Variants in MGAM observed in about 807,000 individuals in gnomAD.
MGAM encodes maltase-glucoamylase.
MGAM carries 253 observed loss-of-function variants against 358.8 expected under a neutral mutation model. The ratio of observed to expected loss-of-function variants is 0.71; its 90% CI spans 0.64 to 0.78. MGAM has a LOEUF of 0.78. Ranked by LOEUF, MGAM falls within the 30% of genes least tolerant of loss-of-function variation. The pLI, the probability that MGAM is intolerant of heterozygous loss-of-function variation, is 0.00. For synonymous variants in MGAM, 1,105 were observed against 1,227.1 expected (o/e 0.90, Z 2.08); for missense variants, 3,080 against 3,432.6 (o/e 0.90, Z 2.57).
chr7:141,991,280 A>C (rs1362677241), upstream of MGAM, among the ~76,000 whole-genome samples: 3 of 152,226 alleles, frequency 2.0e-5, no homozygotes, highest in Non-Finnish European at 4.4e-5. Context: ...TAGTACACAC[A>C]TAATGACTGT....
intron 42 of MGAM, among the ~76,000 whole-genome samples, chr7:142,067,957 TATATATAAATATATATA>T (rs1812943405): frequency 2.8e-5 from 1 of 35,512 alleles, no homozygotes; most frequent in African/African-American, 7.8e-5. Context: ...TATATATATA[TATATATAAATATATATA>T]TATATATATA....
Position 142,058,261 on chromosome 7 carries a change from A to G in MGAM, c.3752A>G (p.Tyr1251Cys), listed in dbSNP as rs779857945. Residue 1251 changes from tyrosine (Y) to cysteine (C), a missense_variant, in exon 31 of 71, where the codon TAT becomes TGT. Around this residue, in one of 5 missense-constraint regions of MGAM, gnomAD observed 1,816 missense variants for 1,840.5 expected, o/e 0.99. Coordinates refer to ENST00000475668, the MANE Select transcript of MGAM (RefSeq NM_001365693.1). The stretch of plus-strand genomic sequence containing the variant: ...TCTTTGGGGTTCCAGCTGTGTCGCT[A>G]TGGCTACCAGAATGACTCTGAGATC... ...YWSLGFQLCR[Y>C]GYQNDSEIAS... 26 of 1,613,714 alleles carry G rather than the reference A, an allele frequency of 1.6e-5. No individual in the cohort carries two copies. The highest frequency in any genetic ancestry group is 2.2e-5 in the Non-Finnish European group (26 of 1,179,842).
At chr7:142,008,824 C>A in intron 3 of MGAM, 119 bp downstream of exon 3, 1 of 1,111,558 alleles carries the variant, frequency 9.0e-7, no homozygotes, top group Non-Finnish European at 1.3e-6. Flanking sequence ...GTTTATGTTG[C>A]AGCCATTAGT....
intron 16 of MGAM, among the ~76,000 whole-genome samples, 198 bp downstream of exon 16, chr7:142,035,039 C>T (rs186803108): frequency 8.3e-4 from 127 of 152,296 alleles, no homozygotes; most frequent in East Asian, 7.7e-4. Context: ...GAAGACAGAA[C>T]GTGCAACTTT....
At chr7:142,070,405 C>G (rs1392677321) in intron 43 of MGAM, among the ~76,000 whole-genome samples, 1 of 145,880 alleles carries the variant, frequency 6.9e-6, no homozygotes, top group African/African-American at 2.4e-5. Context: ...TAGTGGAACA[C>G]AGCCATGCAT....
At chr7:141,989,035 CTG>C (rs1395810893) in intron 2 of MGAM, among the ~76,000 whole-genome samples, 1 of 151,548 alleles carries the variant, frequency 6.6e-6, no homozygotes, top group Non-Finnish European at 1.5e-5. Context: ...GCTATGAAGA[CTG>C]TGAGAAATCA....
At chr7:142,065,897 A>G (rs1812689675) in intron 40 of MGAM, 66 bp downstream of exon 40, 2 of 1,248,184 alleles carry the variant, frequency 1.6e-6, no homozygotes, top group Admixed American at 2.1e-5. Flanking sequence ...TTTCTGTGCT[A>G]AAAGTAATGC....
chr7:142,096,970 C>G (rs7777521), intron 65 of MGAM, among the ~76,000 whole-genome samples: 35,464 of 149,938 alleles, frequency 0.24, 5,506 homozygotes, highest in African/African-American at 0.44. Context: ...ACTCTGTCAT[C>G]CAGGCTGGAG....
chr7:142,050,257 T>C lies in MGAM; in HGVS notation c.2610T>C (p.Tyr870=). ...ETKDTVANKV[Y]LLCEFSVTQN... ...CAGATACTGTGGCCAATAAAGTGTATCTTTTATGTGAGTTTTCTGTCACTC... is the reference window on the plus strand; with the variant it reads ...CAGATACTGTGGCCAATAAAGTGTACCTTTTATGTGAGTTTTCTGTCACTC... Residue 870 remains tyrosine, a synonymous_variant, in exon 23 of 71, where the codon TAT becomes TAC. Transcript: ENST00000475668. The C allele has an allele frequency of 6.2e-7, 1 of 1,613,852 alleles. No homozygotes were observed.
chr7:142,103,995 G>A (rs1210530702), intron 70 of MGAM, among the ~76,000 whole-genome samples: 3 of 152,002 alleles, frequency 2.0e-5, no homozygotes, highest in African/African-American at 7.3e-5. Context: ...TGTGACTGCA[G>A]GCGTCTGCCA....
chr7:141,997,223 G>A (rs1396165192), intron 1 of MGAM, among the ~76,000 whole-genome samples: 2 of 152,092 alleles, frequency 1.3e-5, no homozygotes, highest in African/African-American at 2.4e-5. Flanking sequence ...TTTGCTGGGC[G>A]AGGAAGACCT....
intron 17 of MGAM, 124 bp downstream of exon 17, chr7:142,036,409 C>A: frequency 1.3e-6 from 1 of 742,014 alleles, no homozygotes; most frequent in Non-Finnish European, 2.3e-6. Context: ...CTCTAATTTG[C>A]ACTATCATGT....
At chr7:142,091,816 C>A in intron 57 of MGAM, 97 bp from the exon 58 acceptor site, 1 of 1,250,606 alleles carries the variant, frequency 8.0e-7, no homozygotes, top group Non-Finnish European at 1.1e-6. Flanking sequence ...TGTCACCATG[C>A]AGTTGAAGTA....
At chr7:142,071,392 G>A (rs1813336956) in intron 44 of MGAM, among the ~76,000 whole-genome samples, 1 of 146,714 alleles carries the variant, frequency 6.8e-6, no homozygotes, top group Non-Finnish European at 1.5e-5. Context: ...CAAAATAAGA[G>A]CAACCACAAT....
intron 33 of MGAM, 46 bp downstream of exon 33, chr7:142,060,012 G>A (rs1811970402): frequency 1.6e-6 from 1 of 633,860 alleles, no homozygotes. Flanking sequence ...CTGAGGGTGG[G>A]TCACTGTTGG....
chr7:142,007,369 A>C (rs1310979904), intron 2 of MGAM, among the ~76,000 whole-genome samples: 1 of 152,076 alleles, frequency 6.6e-6, no homozygotes, highest in Non-Finnish European at 1.5e-5. Flanking sequence ...TATCTGATTC[A>C]TCTAGGATCA....
chr7:142,040,484 A>G (rs1808410750), intron 20 of MGAM: 3 of 591,710 alleles, frequency 5.1e-6, no homozygotes, highest in Admixed American at 3.2e-5. Context: ...GTTTAAAACT[A>G]TCAGTTTATA....
rs774072666 is a variant in MGAM, at chr7:142,086,292, C to G, written c.6711C>G (p.Ile2237Met). The change falls in exon 56 of 71, where the codon ATC becomes ATG. Residue 2237 changes from isoleucine (I) to methionine (M), a missense_variant. By Grantham distance (10) the Ile-to-Met change is conservative. Transcript: ENST00000475668. ...GGGGCGTGGAGGATGACGTCTTCAT[C>G]AAGTACCCAAATGATGGAGACATTG... ...FTRGVEDDVF[I>M]KYPNDGDIVW... is the part of the protein sequence containing the mutation. 3 of 1,541,134 alleles carry G rather than the reference C, an allele frequency of 1.9e-6. No homozygotes were observed. In the South Asian group the frequency reaches 3.5e-5, roughly 18 times the overall value.
intron 1 of MGAM, among the ~76,000 whole-genome samples, chr7:142,002,222 A>T (rs1554450877): frequency 6.6e-6 from 1 of 152,134 alleles, no homozygotes; most frequent in East Asian, 1.9e-4. Flanking sequence ...TTAAAAACTA[A>T]TATAGAAGCC....
Sources: gnomAD v4.1 joint callset for allele counts (sites outside exome capture counted in the v4.1 genomes callset) on GRCh38, gnomAD v4.1.1 for gene constraint, gnomAD v4.1.1 regional missense constraint, MANE v1.5 for transcripts, NCBI Gene and HGNC (gene_info 2026-07-23, HGNC 2026-07-21) for gene names.